Variants in EIF4G3 observed in about 807,000 individuals in gnomAD.
EIF4G3 encodes the protein eukaryotic translation initiation factor 4 gamma 3, also known as eIF-4-gamma 3.
In EIF4G3, 34 loss-of-function variants were observed where a neutral mutation model predicts 186.4. The ratio of observed to expected loss-of-function variants is 0.18; its 90% CI spans 0.14 to 0.24. The LOEUF (loss-of-function observed/expected upper bound fraction) is 0.24. EIF4G3 is among the 10% of genes least tolerant of loss of function. The pLI is 1.00. For missense variants in EIF4G3, 1,536 were observed against 1,948.5 expected (o/e 0.79, Z 3.99); for synonymous variants, 673 against 679.5 (o/e 0.99, Z 0.15).
intron 14 of EIF4G3, among the ~76,000 whole-genome samples, chr1:20,940,595 A>G (rs2095676635): frequency 6.6e-6 from 1 of 152,242 alleles, no homozygotes; most frequent in African/African-American, 2.4e-5. Flanking sequence ...CAACTGCTGG[A>G]GGAGCACTCA....
At position 20,928,360 on chromosome 1, in the gene EIF4G3, C is replaced by G. The variant is rs1371657281; in HGVS notation, c.1663+13131G>C. The stretch of plus-strand genomic sequence containing the variant: ...CCTCAATTTCTAAGCTATAACTTCC[C>G]TAAGCAAATCCTTATATAGATGCTG... On this transcript the variant is annotated intron_variant, in intron 14 of 36. Transcript: ENST00000602326. Among the ~76,000 whole-genome samples, 4 of 152,224 alleles carry G rather than the reference C, an allele frequency of 2.6e-5. No homozygotes were observed. In the South Asian group the frequency reaches 6.2e-4, roughly 24 times the overall value.
chr1:21,118,931 TAAAAAAAAAAAAA>T (rs35040627), intron 2 of EIF4G3, among the ~76,000 whole-genome samples: 8 of 86,170 alleles, frequency 9.3e-5, no homozygotes, highest in Non-Finnish European at 1.3e-4. Context: ...CAAGCTCTAT[TAAAAAAAAAAAAA>T]AAAAAAAAAA....
chr1:21,152,569 CA>C (rs2097570326), intron 2 of EIF4G3, among the ~76,000 whole-genome samples: 1 of 152,086 alleles, frequency 6.6e-6, no homozygotes, highest in South Asian at 2.1e-4. Context: ...AATGCAACTT[CA>C]ATTACCTTTC....
At chr1:20,880,958 A>C (rs12735930) in intron 19 of EIF4G3, among the ~76,000 whole-genome samples, 4,249 of 152,232 alleles carry the variant, frequency 0.028, 90 homozygotes, top group Middle Eastern at 0.051. Flanking sequence ...TTTGGGTAGA[A>C]AACAAGGAGC....
intron 2 of EIF4G3, among the ~76,000 whole-genome samples, chr1:21,154,084 A>T (rs114210991): frequency 2.0e-3 from 307 of 152,348 alleles, no homozygotes; most frequent in African/African-American, 7.0e-3. Context: ...GAATTAGTAT[A>T]AGTGCTTATC....
chr1:20,916,822 C>T (rs531643225), intron 14 of EIF4G3, among the ~76,000 whole-genome samples: 15 of 152,098 alleles, frequency 9.9e-5, no homozygotes, highest in Non-Finnish European at 1.8e-4. Flanking sequence ...GTATGCACAA[C>T]GTATTTATAG....
At chr1:21,104,205 T>C (rs188516528) in intron 2 of EIF4G3, among the ~76,000 whole-genome samples, 2 of 152,334 alleles carry the variant, frequency 1.3e-5, no homozygotes, top group African/African-American at 4.8e-5. Flanking sequence ...AAAGTGGTAC[T>C]AGAAAGACAA....
intron 14 of EIF4G3, among the ~76,000 whole-genome samples, chr1:20,907,216 T>A (rs1434929957): frequency 6.6e-6 from 1 of 152,142 alleles, no homozygotes; most frequent in Non-Finnish European, 1.5e-5. Context: ...TGTCTTGTAT[T>A]AAAGCATGAC....
chr1:20,900,106 A>G (rs2089777535), intron 15 of EIF4G3, among the ~76,000 whole-genome samples, 163 bp from the exon 16 acceptor site: 1 of 152,218 alleles, frequency 6.6e-6, no homozygotes, highest in Non-Finnish European at 1.5e-5. Flanking sequence ...TAAAAAAAAT[A>G]CTTTTCTCAT....
chr1:21,118,252 T>C (rs1023659811), intron 2 of EIF4G3, among the ~76,000 whole-genome samples: 3 of 152,206 alleles, frequency 2.0e-5, no homozygotes, highest in African/African-American at 7.2e-5. Context: ...GACACCTCCG[T>C]ATTTCAGTAT....
rs150081638 is a variant in EIF4G3 at position 20,939,219 on chromosome 1, T to A, written c.1663+2272A>T. The stretch of plus-strand genomic sequence containing the variant: ...ATGTACAAGGAAATTATAAAACTTG[T>A]AATTCCCTTAAACACATAGGTTAAA... On this transcript the variant is annotated intron_variant, in intron 14 of 36. Coordinates refer to ENST00000602326, the MANE Select transcript of EIF4G3 (RefSeq NM_001391906.1). Among the ~76,000 whole-genome samples the A allele has an allele frequency of 1.9e-3, 285 of 151,730 alleles. 1 individual carries two copies. The highest frequency in any genetic ancestry group is 6.4e-3 in the African/African-American group (263 of 41,388).
chr1:20,828,075 C>G (rs1309021762), intron 31 of EIF4G3, among the ~76,000 whole-genome samples: 2 of 148,612 alleles, frequency 1.3e-5, no homozygotes, highest in Non-Finnish European at 3.0e-5. Context: ...ACTCTGTCGC[C>G]AGGCTGGAGT....
chr1:21,079,717 A>G (rs1343604938), intron 3 of EIF4G3, among the ~76,000 whole-genome samples: 3 of 151,470 alleles, frequency 2.0e-5, no homozygotes, highest in African/African-American at 7.3e-5. Context: ...ATGAAATTTT[A>G]TGGCATAGCT....
At chr1:21,046,088 T>C (rs943665300) in intron 4 of EIF4G3, among the ~76,000 whole-genome samples, 1 of 152,194 alleles carries the variant, frequency 6.6e-6, no homozygotes, top group Non-Finnish European at 1.5e-5. Context: ...CCCAGGGAGA[T>C]TTACTTTGCA....
chr1:20,927,805 G>C (rs940916023), intron 14 of EIF4G3, among the ~76,000 whole-genome samples: 2 of 152,140 alleles, frequency 1.3e-5, no homozygotes, highest in African/African-American at 2.4e-5. Context: ...GGCCCAACTG[G>C]ATATTTCATA....
At chr1:21,149,889 C>A (rs915918259) in intron 2 of EIF4G3, among the ~76,000 whole-genome samples, 5 of 152,242 alleles carry the variant, frequency 3.3e-5, no homozygotes, top group African/African-American at 1.2e-4. Context: ...GACAGGTAAG[C>A]CTTGCTGCTT....
intron 4 of EIF4G3, among the ~76,000 whole-genome samples, chr1:21,038,091 CT>C (rs1557651485): frequency 1.3e-5 from 2 of 152,186 alleles, no homozygotes; most frequent in East Asian, 3.8e-4. Flanking sequence ...TTTTTGTACT[CT>C]TTATAATTAG....
intron 2 of EIF4G3, among the ~76,000 whole-genome samples, chr1:21,143,078 G>C (rs758732599): frequency 6.6e-6 from 1 of 151,936 alleles, no homozygotes; most frequent in Non-Finnish European, 1.5e-5. Flanking sequence ...ATGAAACCCT[G>C]TCTCTACTAA....
intron 7 of EIF4G3, among the ~76,000 whole-genome samples, chr1:20,986,581 TAAAAAAATACA>T (rs2079521780): frequency 6.6e-6 from 1 of 151,050 alleles, no homozygotes; most frequent in African/African-American, 2.4e-5. Context: ...CCGTCTCCAC[TAAAAAAATACA>T]AAAAAAATTA....
Sources: allele counts gnomAD v4.1 joint callset (sites outside exome capture counted in the v4.1 genomes callset), GRCh38; gene constraint gnomAD v4.1.1; transcripts MANE v1.5; gene names NCBI Gene and HGNC (gene_info 2026-07-23, HGNC 2026-07-21).